LIPA: variants seen among roughly 807,000 people sequenced by gnomAD.
LIPA encodes lysosomal acid lipase/cholesteryl ester hydrolase.
Under a neutral mutation model 40.6 loss-of-function variants are expected in LIPA, and 26 were observed. That is an observed-to-expected ratio of 0.64 (90% CI 0.47 to 0.89). LIPA has a LOEUF of 0.89. LIPA is among the 40% of genes least tolerant of loss of function. The pLI, the probability that LIPA is intolerant of heterozygous loss-of-function variation, is 0.00. For synonymous variants in LIPA, 188 were observed against 168.4 expected (o/e 1.12, Z -0.90); for missense variants, 455 against 479.6 (o/e 0.95, Z 0.48).
intron 1 of LIPA, among the ~76,000 whole-genome samples, chr10:89,304,233 T>C (rs931891048): frequency 4.6e-5 from 7 of 152,198 alleles, no homozygotes; most frequent in Admixed American, 4.6e-4. Context: ...AAGAGCCAGG[T>C]TGTCTAAGTC....
chr10:89,245,555 A>G, intron 3 of LIPA, 121 bp downstream of exon 3: 1 of 748,102 alleles, frequency 1.3e-6, no homozygotes, highest in East Asian at 2.5e-5. Flanking sequence ...AAACCTCAAC[A>G]CAGTTAGTGC....
intron 2 of LIPA, among the ~76,000 whole-genome samples, chr10:89,367,258 G>T (rs1844063180): frequency 6.6e-6 from 1 of 152,060 alleles, no homozygotes; most frequent in African/African-American, 2.4e-5. Flanking sequence ...CACCAACGTG[G>T]CACATGAATA....
intron 1 of LIPA, among the ~76,000 whole-genome samples, chr10:89,272,831 A>G (rs1843272361): frequency 1.3e-5 from 2 of 152,296 alleles, no homozygotes; most frequent in South Asian, 4.1e-4. Context: ...TTTAATTTGC[A>G]TTTCTCTAAT....
intron 2 of LIPA, among the ~76,000 whole-genome samples, chr10:89,380,021 T>G: frequency 6.8e-6 from 1 of 146,754 alleles, no homozygotes; most frequent in South Asian, 2.2e-4. Context: ...GGCAACAGAG[T>G]GAGACTCCGT....
At chr10:89,338,952 C>A (rs201297971) in intron 1 of LIPA, 305 of 1,614,056 alleles carry the variant, frequency 1.9e-4, no homozygotes, top group Non-Finnish European at 2.4e-4. Context: ...CTTGGGGAAA[C>A]TACGCCTGGG....
chr10:89,216,600 AAC>A (rs1389185532), intron 8 of LIPA, among the ~76,000 whole-genome samples: 1 of 152,216 alleles, frequency 6.6e-6, no homozygotes, highest in Non-Finnish European at 1.5e-5. Context: ...CAAATTTTAA[AAC>A]AGTGTAACAC....
At chr10:89,335,092 T>C (rs1316795465) in intron 1 of LIPA, among the ~76,000 whole-genome samples, 1 of 152,210 alleles carries the variant, frequency 6.6e-6, no homozygotes, top group African/African-American at 2.4e-5. Context: ...CTCCAAATTT[T>C]ACTTCAAGGA....
At chr10:89,284,246 G>A (rs1589588308) in intron 1 of LIPA, 1 of 152,316 alleles carries the variant, frequency 6.6e-6, no homozygotes, top group East Asian at 1.9e-4. Context: ...AGGCTGAAAC[G>A]TTCTTAACAA....
At chr10:89,324,684 C>T (rs1843589899) in intron 1 of LIPA, among the ~76,000 whole-genome samples, 2 of 152,094 alleles carry the variant, frequency 1.3e-5, no homozygotes, top group Admixed American at 1.3e-4. Flanking sequence ...AAAAAGCAAA[C>T]AGCTCCATTA....
chr10:89,317,270 G>C (rs997534168), intron 1 of LIPA, among the ~76,000 whole-genome samples: 3 of 152,120 alleles, frequency 2.0e-5, no homozygotes, highest in African/African-American at 7.2e-5. Context: ...AAATTTCTTC[G>C]AGCTAAGGGA....
intron 1 of LIPA, among the ~76,000 whole-genome samples, chr10:89,325,579 C>T (rs929393400): frequency 2.0e-5 from 3 of 152,120 alleles, no homozygotes; most frequent in Non-Finnish European, 4.4e-5. Context: ...GTGAATGGAA[C>T]TGGAGGCCAT....
At chr10:89,236,373 A>G (rs1842904900) in intron 3 of LIPA, among the ~76,000 whole-genome samples, 4 of 122,312 alleles carry the variant, frequency 3.3e-5, no homozygotes, top group African/African-American at 1.0e-4. Context: ...TCATGACACT[A>G]ATCATCTCCA....
chr10:89,289,602 C>T (rs890414787), intron 1 of LIPA, among the ~76,000 whole-genome samples: 1 of 152,108 alleles, frequency 6.6e-6, no homozygotes, highest in Non-Finnish European at 1.5e-5. Context: ...TCTGTTTGGC[C>T]TTTCCACCTC....
At chr10:89,342,828 G>A (rs1843884675), upstream of LIPA, 1 of 152,290 alleles carries the variant, frequency 6.6e-6, no homozygotes, top group Non-Finnish European at 1.5e-5. Flanking sequence ...GTGTCCCGGA[G>A]CAGTTGGGCA....
intron 2 of LIPA, among the ~76,000 whole-genome samples, chr10:89,400,065 T>C (rs1844400644): frequency 6.6e-6 from 1 of 152,258 alleles, no homozygotes; most frequent in African/African-American, 2.4e-5. Context: ...TATGACATTC[T>C]GAGCTAACTA....
upstream of LIPA, chr10:89,251,865 C>T (rs1843129241): frequency 6.6e-6 from 1 of 152,510 alleles, no homozygotes; most frequent in African/African-American, 2.4e-5. Context: ...CACCCTCGGA[C>T]TATTTGTTCA....
intron 3 of LIPA, among the ~76,000 whole-genome samples, chr10:89,241,053 T>C (rs1297853734): frequency 1.3e-5 from 2 of 152,132 alleles, no homozygotes; most frequent in Admixed American, 6.5e-5. Context: ...TATAAGAATA[T>C]GTAGCCAGGG....
At chr10:89,412,824 C>G (rs967802791) in exon 2 of LIPA, 3 of 401,758 alleles carry the variant, frequency 7.5e-6, no homozygotes, top group African/African-American at 2.1e-5. Flanking sequence ...ATCTGAACAT[C>G]GAAAGGAACA....
At chr10:89,287,779 T>C (rs1843349423) in intron 1 of LIPA, among the ~76,000 whole-genome samples, 1 of 152,002 alleles carries the variant, frequency 6.6e-6, no homozygotes, top group Non-Finnish European at 1.5e-5. Flanking sequence ...TCCTTACAAT[T>C]CCCCCATTTT....
Sources: gnomAD v4.1 joint callset for allele counts (sites outside exome capture counted in the v4.1 genomes callset) on GRCh38, gnomAD v4.1.1 for gene constraint, MANE v1.5 for transcripts, NCBI Gene and HGNC (gene_info 2026-07-23, HGNC 2026-07-21) for gene names.